UCP1: variants seen among roughly 807,000 people sequenced by gnomAD.
UCP1 encodes uncoupling protein 1, also known as mitochondrial brown fat uncoupling protein 1.
A neutral mutation model predicts 26.2 loss-of-function variants in UCP1; 24 were observed. The ratio of observed to expected loss-of-function variants is 0.92; its 90% CI spans 0.66 to 1.29. The LOEUF (loss-of-function observed/expected upper bound fraction) is 1.29. Ranked by LOEUF, UCP1 falls within the 50% of genes most tolerant of loss-of-function variation. UCP1 has a pLI of 0.00. For missense variants in UCP1, 402 were observed against 388.7 expected (o/e 1.03, Z -0.29); for synonymous variants, 164 against 156.8 (o/e 1.05, Z -0.34).
Position 140,563,502 on chromosome 4 carries a change from T to C in UCP1, c.342A>G (p.Gly114=), listed in dbSNP as rs1735734630. ...TCGTTAGACCAGCTAAAATCTTGCT[T>C]CCTAAACTAGGTGCTGCTATCCAGA... ...TAGKETAPSL[G]SKILAGLTTG... Residue 114 remains glycine (G), a synonymous_variant, in exon 3 of 6, where the codon GGA becomes GGG. Transcript: ENST00000262999. 5 of 1,613,910 alleles carry C rather than the reference T, an allele frequency of 3.1e-6. No homozygotes were observed. Among genetic ancestry groups the C allele is most frequent in the Non-Finnish European group, 4.2e-6 (5 of 1,180,014 alleles).
intron 4 of UCP1, among the ~76,000 whole-genome samples, chr4:140,562,585 T>G (rs746969677): frequency 6.6e-6 from 1 of 152,186 alleles, no homozygotes; most frequent in Non-Finnish European, 1.5e-5. Context: ...AAGTAAACTG[T>G]TAGTTTCCTC....
At chr4:140,562,065 G>A (rs1053138238) in intron 5 of UCP1, 128 bp downstream of exon 5, 114 of 1,121,200 alleles carry the variant, frequency 1.0e-4, no homozygotes, top group Non-Finnish European at 1.4e-4. Context: ...CTGTGGCAAG[G>A]AAAAGTCAAT....
At chr4:140,561,181 TATG>T (rs1735670000) in intron 5 of UCP1, among the ~76,000 whole-genome samples, 1 of 152,202 alleles carries the variant, frequency 6.6e-6, no homozygotes, top group African/African-American at 2.4e-5. Flanking sequence ...AAGTACAGAT[TATG>T]ATGAGTTGGA....
intron 3 of UCP1, 28 bp from the exon 4 acceptor site, chr4:140,563,239 A>G: frequency 6.2e-7 from 1 of 1,611,804 alleles, no homozygotes; most frequent in East Asian, 2.2e-5. Context: ...GAAAATGTTT[A>G]TTAACTCTAC....
In UCP1 at chr4:140,559,861, C is replaced by T. The variant is rs867844687; in HGVS notation, c.*35G>A. ...TTTTTATGATCCAGTCAGCAAGATT[C>T]CCACTGGTATGTTACATCATTTTCT... is the stretch of plus-strand genomic sequence containing the variant. On this transcript the variant is annotated 3_prime_UTR_variant, in exon 6 of 6. Coordinates refer to ENST00000262999, the MANE Select transcript of UCP1 (RefSeq NM_021833.5). The T allele has an allele frequency of 6.6e-7, 1 of 1,514,024 alleles. No individual in the cohort carries two copies. The allele number at this position is 1,514,024 out of a possible 1,614,324, so 93.8% of individuals were successfully genotyped here.
intron 4 of UCP1, among the ~76,000 whole-genome samples, chr4:140,562,754 T>G (rs942794714): frequency 1.3e-5 from 2 of 152,182 alleles, no homozygotes; most frequent in African/African-American, 4.8e-5. Context: ...GATAAGCTCC[T>G]TTTATAACTA....
Position 140,567,776 on chromosome 4 carries a change from T to C in UCP1, c.325+3A>G. On this transcript the variant is annotated splice_donor_region_variant and intron_variant, in intron 2 of 5. Transcript: ENST00000262999. ...GCCCCTCCCAGGAACGCTCACGGCT[T>C]ACTTTCTTTCCCTGCGGTGAGGAAC... 1 of 1,613,862 alleles carries C rather than the reference T, an allele frequency of 6.2e-7. No individual in the cohort carries two copies. The highest frequency in any genetic ancestry group is 8.5e-7 in the Non-Finnish European group (1 of 1,179,922).
At position 140,559,754 on chromosome 4, in the gene UCP1, T is replaced by G. The variant is rs1735636832; in HGVS notation, c.*142A>C. On this transcript the variant is annotated 3_prime_UTR_variant, in exon 6 of 6. Transcript: ENST00000262999. ...TATGAAATAGGCATTAATTTTCCTC[T>G]TTTTTATATAAAAAAGTCCAAAATT... 2 of 779,278 alleles carry G rather than the reference T, an allele frequency of 2.6e-6. No individual in the cohort carries two copies. The highest frequency in any genetic ancestry group is 4.1e-6 in the Non-Finnish European group (2 of 484,754). 48.3% of individuals were successfully genotyped at this position (779,278 alleles called of 1,614,324 possible). A position where few individuals can be genotyped will look rare whatever the true frequency, so the allele number is the denominator to read the frequency against.
intron 2 of UCP1, among the ~76,000 whole-genome samples, chr4:140,564,026 T>A (rs1391413167): frequency 2.0e-5 from 3 of 152,230 alleles, no homozygotes; most frequent in African/African-American, 7.2e-5. Flanking sequence ...TGAAATTTTT[T>A]AAAAATGAAG....
rs76122323 is a variant in UCP1, at chr4:140,561,866, T to C, written c.809+327A>G. On this transcript the variant is annotated intron_variant, in intron 5 of 5. Coordinates refer to ENST00000262999, the MANE Select transcript of UCP1 (RefSeq NM_021833.5). Reference sequence around the variant, plus strand: ...ATCAAATCTTGTTCTCTCATAGCTCTCTATTATGATTTCCCTCTACTTTAT... The same window carrying C: ...ATCAAATCTTGTTCTCTCATAGCTCCCTATTATGATTTCCCTCTACTTTAT... Among the ~76,000 whole-genome samples the C allele has an allele frequency of 2.5e-3, 379 of 152,286 alleles. 3 individuals are homozygous for C. The highest frequency in any genetic ancestry group is 3.8e-3 in the Non-Finnish European group (259 of 68,014).
At chr4:140,561,715 T>G (rs1364896086) in intron 5 of UCP1, among the ~76,000 whole-genome samples, 5 of 152,174 alleles carry the variant, frequency 3.3e-5, no homozygotes, top group Admixed American at 2.0e-4. Context: ...TACACAACAC[T>G]TGTTTCTAGG....
chr4:140,560,024 T>C lies in UCP1; in HGVS notation c.810-14A>G. 1 of 1,602,048 alleles carries C rather than the reference T, an allele frequency of 6.2e-7. No individual in the cohort carries two copies. The highest frequency in any genetic ancestry group is 8.6e-7 in the Non-Finnish European group (1 of 1,169,296). ...GAAGGTACCAACCTAGAAAAGTGCA[T>C]GTCATCGTTCGATTAATTTGTTTGA... On this transcript the variant is annotated splice_polypyrimidine_tract_variant and intron_variant, in intron 5 of 5. Transcript: ENST00000262999.
At chr4:140,565,536 G>A (rs1735776901) in intron 2 of UCP1, among the ~76,000 whole-genome samples, 1 of 151,948 alleles carries the variant, frequency 6.6e-6, no homozygotes, top group South Asian at 2.1e-4. Flanking sequence ...CCACTGTAAG[G>A]ATAAAATCCA....
At position 140,566,322 on chromosome 4, in the gene UCP1, C is replaced by T. The variant is rs571855073; in HGVS notation, c.325+1457G>A. On this transcript the variant is annotated intron_variant, in intron 2 of 5. Coordinates refer to ENST00000262999, the MANE Select transcript of UCP1 (RefSeq NM_021833.5). ...GCCATCTAAACATCTAACATAGTTA[C>T]TGGCACATGGCAGTTCAATAAAGCC... Among the ~76,000 whole-genome samples the T allele has an allele frequency of 1.2e-3, 183 of 152,332 alleles. 1 individual carries two copies. Among genetic ancestry groups the T allele is most frequent in the Non-Finnish European group, 2.1e-3 (140 of 68,020 alleles).
Position 140,566,923 on chromosome 4 carries a change from C to T in UCP1, c.325+856G>A, listed in dbSNP as rs568769182. Among the ~76,000 whole-genome samples the T allele has an allele frequency of 5.3e-5, 8 of 152,312 alleles. No individual in the cohort carries two copies. In the South Asian group the frequency reaches 1.7e-3, roughly 32 times the overall value. ...AGGGTTAGGAGCCTGGAGTCCGAGG[C>T]CAGACTGCCTGGGTTTGAACCCTGG... On this transcript the variant is annotated intron_variant, in intron 2 of 5. Coordinates refer to ENST00000262999, the MANE Select transcript of UCP1 (RefSeq NM_021833.5).
chr4:140,568,798 C>G lies in UCP1; in HGVS notation c.-69G>C. The G allele has an allele frequency of 6.5e-7, 1 of 1,538,432 alleles. No homozygotes were observed. The highest frequency in any genetic ancestry group is 8.7e-7 in the Non-Finnish European group (1 of 1,147,222). ...CCGAAGGTGGAGGAAGTTCCTTTCC[C>G]TTGCTCTTCACGCCTGTCCGCCGGG... On this transcript the variant is annotated 5_prime_UTR_variant, in exon 1 of 6. Transcript: ENST00000262999.
chr4:140,566,542 A>T (rs140779087), intron 2 of UCP1, among the ~76,000 whole-genome samples: 375 of 152,338 alleles, frequency 2.5e-3, no homozygotes, highest in African/African-American at 8.8e-3. Context: ...ATCTAGTAAC[A>T]TCCAGACTTT....
chr4:140,563,386 C>G lies in UCP1; in HGVS notation c.458G>C (p.Arg153Pro). 6.2e-7 allele frequency: 1 copy of G among 1,614,020 alleles called. No homozygotes were observed. The highest frequency in any genetic ancestry group is 8.5e-7 in the Non-Finnish European group (1 of 1,179,988). Residue 153 changes from arginine (R) to proline (P), a missense_variant, in exon 3 of 6, where the codon CGC (arginine) becomes CCC (proline). Arg to Pro is a moderately radical substitution (Grantham distance 103, BLOSUM62 -2). Transcript: ENST00000262999. ...AQSHLHGIKP[R>P]YTGTYNAYRI... The stretch of plus-strand genomic sequence containing the variant: ...GTACGCATTATAAGTCCCCGTGTAG[C>G]GAGGTTTGATTCCGTGGAGATGGCT...
At chr4:140,560,159 C>T in intron 5 of UCP1, 149 bp from the exon 6 acceptor site, 1 of 680,542 alleles carries the variant, frequency 1.5e-6, no homozygotes, top group Non-Finnish European at 2.6e-6. Context: ...CTTAAGTGAT[C>T]CTCCCACCTG....
Sources: allele counts gnomAD v4.1 joint callset (sites outside exome capture counted in the v4.1 genomes callset), GRCh38; gene constraint gnomAD v4.1.1; transcripts MANE v1.5; gene names NCBI Gene and HGNC (gene_info 2026-07-23, HGNC 2026-07-21).